MAN1A2: variants seen among roughly 807,000 people sequenced by gnomAD.
The protein encoded by MAN1A2 is mannosidase alpha class 1A member 2.
MAN1A2 carries 26 observed loss-of-function variants against 75.7 expected under a neutral mutation model. That is an observed-to-expected ratio of 0.34 (90% CI 0.25 to 0.48). MAN1A2 has a LOEUF of 0.48. Ranked by LOEUF, MAN1A2 falls within the 20% of genes least tolerant of loss-of-function variation. The pLI is 0.99. For synonymous variants in MAN1A2, 247 were observed against 264.6 expected (o/e 0.93, Z 0.65); for missense variants, 562 against 775.5 (o/e 0.72, Z 3.27).
At chr1:117,415,144 A>G (rs1010190617) in intron 4 of MAN1A2, among the ~76,000 whole-genome samples, 1 of 152,010 alleles carries the variant, frequency 6.6e-6, no homozygotes, top group Admixed American at 6.6e-5. Context: ...TAGGTTTGGC[A>G]TAGTTGTTAA....
intron 5 of MAN1A2, among the ~76,000 whole-genome samples, chr1:117,426,159 A>G (rs1463112810): frequency 2.6e-5 from 4 of 151,960 alleles, no homozygotes; most frequent in Non-Finnish European, 5.9e-5. Flanking sequence ...TATAGCTTGC[A>G]TAGTTTGTGA....
At chr1:117,511,499 A>G (rs147910768) in intron 12 of MAN1A2, among the ~76,000 whole-genome samples, 3 of 151,880 alleles carry the variant, frequency 2.0e-5, no homozygotes, top group Middle Eastern at 3.4e-3. Context: ...TTTTTAATCT[A>G]TCTTCCAGTA....
intron 6 of MAN1A2, among the ~76,000 whole-genome samples, chr1:117,453,974 C>T (rs1333110255): frequency 6.6e-6 from 1 of 152,122 alleles, no homozygotes; most frequent in Non-Finnish European, 1.5e-5. Flanking sequence ...GACCCTCCAC[C>T]ATCAAAAAAG....
intron 6 of MAN1A2, among the ~76,000 whole-genome samples, chr1:117,448,064 C>T (rs1470776697): frequency 1.3e-5 from 2 of 152,042 alleles, no homozygotes; most frequent in Non-Finnish European, 2.9e-5. Flanking sequence ...ATGGAATGTT[C>T]TCCCATCTGC....
rs1481104315 is a variant in MAN1A2 at position 117,528,515 on chromosome 1, T to C, written c.*5558T>C. Reference sequence around the variant, plus strand: ...TAATTGCAAATGTCTTGTGGCTGTTTTATTTCTACAAAATTCTGTAAGATG... The same window carrying C: ...TAATTGCAAATGTCTTGTGGCTGTTCTATTTCTACAAAATTCTGTAAGATG... On this transcript the variant is annotated 3_prime_UTR_variant, in exon 13 of 13. Transcript: ENST00000356554. 2.6e-5 allele frequency: 4 copies of C among 152,132 alleles called. No individual in the cohort carries two copies. The highest frequency in any genetic ancestry group is 2.6e-4 in the Admixed American group (4 of 15,250). The allele number at this position is 152,132 out of a possible 1,614,324, so 9.4% of individuals were successfully genotyped here. A position where few individuals can be genotyped will look rare whatever the true frequency, so the allele number is the denominator to read the frequency against.
At chr1:117,474,633 T>C (rs1379216401) in intron 8 of MAN1A2, among the ~76,000 whole-genome samples, 1 of 151,930 alleles carries the variant, frequency 6.6e-6, no homozygotes, top group Non-Finnish European at 1.5e-5. Context: ...AGGTTACTGA[T>C]AGATTTGGAC....
At chr1:117,416,797 GGT>G (rs1359887181) in intron 4 of MAN1A2, among the ~76,000 whole-genome samples, 1 of 152,138 alleles carries the variant, frequency 6.6e-6, no homozygotes, top group African/African-American at 2.4e-5. Context: ...GTGCTGCCCA[GGT>G]GTTACTGGTA....
At chr1:117,485,917 A>G (rs1169207684) in intron 8 of MAN1A2, among the ~76,000 whole-genome samples, 1 of 151,996 alleles carries the variant, frequency 6.6e-6, no homozygotes, top group African/African-American at 2.4e-5. Context: ...CTACATAGAA[A>G]GCAGCCAGTC....
chr1:117,465,181 A>T (rs1649943895), intron 7 of MAN1A2, among the ~76,000 whole-genome samples: 1 of 152,174 alleles, frequency 6.6e-6, no homozygotes, highest in South Asian at 2.1e-4. Flanking sequence ...AGTGTTCAAA[A>T]TATAAGGAGC....
intron 12 of MAN1A2, chr1:117,515,444 G>A (rs1651681789): frequency 1.3e-5 from 2 of 152,232 alleles, no homozygotes; most frequent in South Asian, 4.1e-4. Context: ...GAAATTCAGA[G>A]AAGGGAATTT....
chr1:117,514,631 T>G (rs1279551280), intron 12 of MAN1A2, among the ~76,000 whole-genome samples: 1 of 152,152 alleles, frequency 6.6e-6, no homozygotes, highest in African/African-American at 2.4e-5. Context: ...CAGAGACAAC[T>G]CTGTTAGTGG....
chr1:117,399,612 C>T (rs966672554), intron 1 of MAN1A2, among the ~76,000 whole-genome samples: 1 of 152,090 alleles, frequency 6.6e-6, no homozygotes, highest in South Asian at 2.1e-4. Context: ...AATTGAGGGC[C>T]GTGGTGGTAA....
At chr1:117,434,912 A>G (rs1305420827) in intron 5 of MAN1A2, among the ~76,000 whole-genome samples, 1 of 151,946 alleles carries the variant, frequency 6.6e-6, no homozygotes, top group Non-Finnish European at 1.5e-5. Flanking sequence ...TTGGAGATAA[A>G]TTTAAAAGGA....
intron 6 of MAN1A2, among the ~76,000 whole-genome samples, chr1:117,442,987 T>C (rs1649092586): frequency 6.6e-6 from 1 of 152,198 alleles, no homozygotes; most frequent in African/African-American, 2.4e-5. Context: ...ATTTGAATAA[T>C]GTCAACATAT....
At chr1:117,500,192 C>T (rs1294151448) in intron 11 of MAN1A2, among the ~76,000 whole-genome samples, 1 of 151,774 alleles carries the variant, frequency 6.6e-6, no homozygotes, top group African/African-American at 2.4e-5. Flanking sequence ...ATGTAGACAG[C>T]CTTACACACC....
At chr1:117,452,408 CCAAA>C (rs1649450719) in intron 6 of MAN1A2, among the ~76,000 whole-genome samples, 1 of 151,950 alleles carries the variant, frequency 6.6e-6, no homozygotes. Flanking sequence ...GCCTCTTGTG[CCAAA>C]CAGTTAGAGT....
At chr1:117,503,761 A>G (rs1223415363) in intron 12 of MAN1A2, among the ~76,000 whole-genome samples, 1 of 151,644 alleles carries the variant, frequency 6.6e-6, no homozygotes, top group Non-Finnish European at 1.5e-5. Context: ...CAAGCAGGAC[A>G]AAAATTCCTG....
intron 5 of MAN1A2, among the ~76,000 whole-genome samples, chr1:117,433,859 T>C (rs1228848343): frequency 6.6e-6 from 1 of 152,202 alleles, no homozygotes; most frequent in African/African-American, 2.4e-5. Context: ...CCATCTCCTG[T>C]CTCTAACTTC....
In MAN1A2 at chr1:117,523,479, G is replaced by A; in HGVS notation, c.*522G>A. 1 of 236,118 alleles carries A rather than the reference G, an allele frequency of 4.2e-6. No homozygotes were observed. The highest frequency in any genetic ancestry group is 2.3e-5 in the African/African-American group (1 of 43,032). 14.6% of individuals were successfully genotyped at this position (236,118 alleles called of 1,614,324 possible). A position where few individuals can be genotyped will look rare whatever the true frequency, so the allele number is the denominator to read the frequency against. ...AATAGTATAATTATATCAGTAACAA[G>A]AAGACTCAAAAAAGAAACAGGAGTA... On this transcript the variant is annotated 3_prime_UTR_variant, in exon 13 of 13. Transcript: ENST00000356554.
Sources: allele counts gnomAD v4.1 joint callset (sites outside exome capture counted in the v4.1 genomes callset), GRCh38; gene constraint gnomAD v4.1.1; transcripts MANE v1.5; gene names NCBI Gene and HGNC (gene_info 2026-07-23, HGNC 2026-07-21).